The following BBS9 variants were observed in gnomAD, a reference collection of about 807,000 sequenced individuals.
The protein encoded by BBS9 is protein PTHB1.
A neutral mutation model predicts 117.7 loss-of-function variants in BBS9; 89 were observed. That is an observed-to-expected ratio of 0.76 (90% CI 0.64 to 0.90). The LOEUF is 0.90. BBS9 is among the 40% of genes least tolerant of loss of function. BBS9 has a pLI of 0.00. For synonymous variants in BBS9, 379 were observed against 370.9 expected, an observed-to-expected ratio of 1.02 and a Z score of -0.25; for missense variants, 982 against 1,042.2, an observed-to-expected ratio of 0.94 and a Z score of 0.80.
At chr7:33,445,786 A>T (rs1257675485) in intron 19 of BBS9, among the ~76,000 whole-genome samples, 1 of 152,128 alleles carries the variant, frequency 6.6e-6, no homozygotes, top group East Asian at 1.9e-4. Flanking sequence ...GTAAGTTCTC[A>T]TGAAATCTGG....
At chr7:33,367,928 A>G in intron 17 of BBS9, 66 bp downstream of exon 17, 3 of 1,230,470 alleles carry the variant, frequency 2.4e-6, no homozygotes, top group Non-Finnish European at 3.6e-6. Context: ...CACAGAGGAT[A>G]CTCACATCAA....
At chr7:33,257,695 T>C (rs1797310799) in intron 6 of BBS9, among the ~76,000 whole-genome samples, 1 of 152,154 alleles carries the variant, frequency 6.6e-6, no homozygotes, top group Non-Finnish European at 1.5e-5. Context: ...TATAGCTCAT[T>C]TTGACAAGTT....
In BBS9 at chr7:33,326,615, T is replaced by C. The variant is rs556114185; in HGVS notation, c.1017-9826T>C. On this transcript the variant is annotated intron_variant, in intron 9 of 22. Transcript: ENST00000242067. ...GACCGGAAGCCAGCACTTCTCTGAA[T>C]TCCACTCAAGGCCAATGACGAGTAC... Among the ~76,000 whole-genome samples the C allele has an allele frequency of 2.0e-5, 3 of 152,176 alleles. No homozygotes were observed. The South Asian group carries it at 6.2e-4, about 32-fold the overall frequency.
chr7:33,628,146 AC>A (rs1460197859), intron 21 of BBS9, among the ~76,000 whole-genome samples: 1 of 152,230 alleles, frequency 6.6e-6, no homozygotes, highest in Admixed American at 6.5e-5. Flanking sequence ...GTCAGAGGAA[AC>A]ATTTCCACCT....
At chr7:33,154,081 T>C (rs1432973109) in intron 3 of BBS9, among the ~76,000 whole-genome samples, 1 of 152,212 alleles carries the variant, frequency 6.6e-6, no homozygotes, top group Non-Finnish European at 1.5e-5. Flanking sequence ...GATAGTATAC[T>C]AGGCCTTTCT....
At chr7:33,238,579 A>G (rs1026413525) in intron 5 of BBS9, among the ~76,000 whole-genome samples, 5 of 152,084 alleles carry the variant, frequency 3.3e-5, no homozygotes, top group South Asian at 2.1e-4. Context: ...CAGGTGTGAG[A>G]CAACATGACC....
chr7:33,623,761 T>A (rs1210762400), intron 21 of BBS9, among the ~76,000 whole-genome samples: 1 of 152,174 alleles, frequency 6.6e-6, no homozygotes, highest in Non-Finnish European at 1.5e-5. Context: ...AATGTATATA[T>A]TACGATTCTG....
chr7:33,304,855 A>G (rs1807543470), intron 9 of BBS9, among the ~76,000 whole-genome samples: 1 of 152,138 alleles, frequency 6.6e-6, no homozygotes, highest in African/African-American at 2.4e-5. Flanking sequence ...TGCTCTCTGA[A>G]ACATGTGCTG....
At chr7:33,365,249 T>G (rs1281821746) in intron 16 of BBS9, among the ~76,000 whole-genome samples, 1 of 152,204 alleles carries the variant, frequency 6.6e-6, no homozygotes, top group Non-Finnish European at 1.5e-5. Context: ...TGTTTCTTGT[T>G]GCCATACTTT....
At chr7:33,129,504 C>G (rs1441856738), upstream of BBS9, 1 of 181,170 alleles carries the variant, frequency 5.5e-6, no homozygotes, top group Non-Finnish European at 1.1e-5. Flanking sequence ...TGGACTCCAG[C>G]CCCCAGAAGT....
chr7:33,325,818 C>T (rs1812700604), intron 9 of BBS9, among the ~76,000 whole-genome samples: 1 of 152,134 alleles, frequency 6.6e-6, no homozygotes, highest in South Asian at 2.1e-4. Context: ...GCTTTCTTCC[C>T]TTACCTTTTC....
At chr7:33,535,603 C>G (rs1191372439) in intron 21 of BBS9, among the ~76,000 whole-genome samples, 1 of 152,148 alleles carries the variant, frequency 6.6e-6, no homozygotes, top group African/African-American at 2.4e-5. Flanking sequence ...CTGTAACACC[C>G]TCTTAACTGT....
intron 7 of BBS9, among the ~76,000 whole-genome samples, chr7:33,265,832 G>A (rs1289987753): frequency 1.3e-5 from 2 of 152,048 alleles, no homozygotes; most frequent in African/African-American, 4.8e-5. Context: ...GACAGAGCAA[G>A]ACTCCGTCTC....
chr7:33,218,867 T>C (rs960390618), intron 5 of BBS9, among the ~76,000 whole-genome samples: 1 of 152,232 alleles, frequency 6.6e-6, no homozygotes, highest in African/African-American at 2.4e-5. Context: ...GGGCTCCCAC[T>C]TTGGCGGCAC....
intron 21 of BBS9, among the ~76,000 whole-genome samples, chr7:33,580,166 G>A (rs1859635195): frequency 6.6e-6 from 1 of 151,786 alleles, no homozygotes; most frequent in East Asian, 1.9e-4. Context: ...TAGGTGACTT[G>A]CCAAAGGCCA....
rs1800087042 is a variant in BBS9 at position 33,273,011 on chromosome 7, G to A, written c.703-1G>A. On this transcript the variant is annotated splice_acceptor_variant, in intron 7 of 22. Transcript: ENST00000242067. LOFTEE classifies it high-confidence loss of function. ...AATTGATATTGAGTTTTGCTTTGTA[G>A]GTGGATTGGACTCTAAATATTGGAG... 3.7e-6 allele frequency: 6 copies of A among 1,613,418 alleles called. No individual in the cohort carries two copies. Among genetic ancestry groups the A allele is most frequent in the Non-Finnish European group, 4.2e-6 (5 of 1,179,732 alleles).
At chr7:33,471,503 T>G (rs1406717264) in intron 19 of BBS9, among the ~76,000 whole-genome samples, 5 of 152,152 alleles carry the variant, frequency 3.3e-5, no homozygotes, top group Non-Finnish European at 5.9e-5. Context: ...TAACTGCAGG[T>G]GGAACAACAG....
At chr7:33,632,175 A>C (rs1364206926) in intron 21 of BBS9, among the ~76,000 whole-genome samples, 1 of 152,014 alleles carries the variant, frequency 6.6e-6, no homozygotes, top group Non-Finnish European at 1.5e-5. Context: ...TGTCCTTCCA[A>C]AGGGCTTACT....
chr7:33,516,325 C>G (rs1179469634), intron 20 of BBS9, among the ~76,000 whole-genome samples: 1 of 151,408 alleles, frequency 6.6e-6, no homozygotes, highest in African/African-American at 2.4e-5. Context: ...CCCATCTTTA[C>G]TAAAAATACA....
Sources: gnomAD v4.1 joint callset for allele counts (sites outside exome capture counted in the v4.1 genomes callset) on GRCh38, gnomAD v4.1.1 for gene constraint, MANE v1.5 for transcripts, NCBI Gene and HGNC (gene_info 2026-07-23, HGNC 2026-07-21) for gene names.